SPAG16: variants seen among roughly 807,000 people sequenced by gnomAD.
SPAG16 encodes sperm-associated antigen 16 protein.
In SPAG16, 86 loss-of-function variants were observed where a neutral mutation model predicts 80.4. The observed-to-expected ratio is 1.07, with a 90% CI of 0.90 to 1.28. The LOEUF (loss-of-function observed/expected upper bound fraction) is 1.28, where lower values mean the gene tolerates loss of function less well. Ranked by LOEUF, SPAG16 falls within the 50% of genes most tolerant of loss-of-function variation. SPAG16 has a pLI of 0.00. For missense variants in SPAG16, 870 were observed against 765.3 expected (o/e 1.14, Z -1.61); for synonymous variants, 294 against 265.9 (o/e 1.11, Z -1.03).
intron 10 of SPAG16, among the ~76,000 whole-genome samples, chr2:213,845,353 A>G (rs1455488524): frequency 2.6e-5 from 4 of 151,538 alleles, no homozygotes; most frequent in Non-Finnish European, 4.4e-5. Flanking sequence ...ATCCGCTACC[A>G]CGCCCAGCTA....
At chr2:214,133,440 C>T (rs1480369825) in intron 14 of SPAG16, among the ~76,000 whole-genome samples, 1 of 152,068 alleles carries the variant, frequency 6.6e-6, no homozygotes, top group Non-Finnish European at 1.5e-5. Context: ...AGGCAGATCA[C>T]TTAAGGTCAG....
At chr2:213,852,855 C>G (rs10498015) in intron 10 of SPAG16, among the ~76,000 whole-genome samples, 1 of 151,976 alleles carries the variant, frequency 6.6e-6, no homozygotes, top group Non-Finnish European at 1.5e-5. Context: ...AGGCTATAAA[C>G]ACATATTTGC....
chr2:214,115,594 C>G (rs1416397684), intron 14 of SPAG16, among the ~76,000 whole-genome samples: 4 of 152,094 alleles, frequency 2.6e-5, no homozygotes, highest in Non-Finnish European at 5.9e-5. Context: ...AAAAGTAACC[C>G]TCAACTGGGC....
chr2:213,599,751 G>C (rs1405650443), intron 10 of SPAG16, among the ~76,000 whole-genome samples: 1 of 152,144 alleles, frequency 6.6e-6, no homozygotes, highest in African/African-American at 2.4e-5. Context: ...ACCCATACTA[G>C]AGTGCAGTGG....
chr2:214,256,422 G>A (rs905381867), intron 15 of SPAG16, among the ~76,000 whole-genome samples: 8 of 151,422 alleles, frequency 5.3e-5, no homozygotes, highest in Non-Finnish European at 1.0e-4. Flanking sequence ...TTTCTTTTAC[G>A]GTTAGTGCCT....
chr2:213,798,817 C>T (rs2071203591), intron 10 of SPAG16, among the ~76,000 whole-genome samples: 1 of 152,108 alleles, frequency 6.6e-6, no homozygotes, highest in Non-Finnish European at 1.5e-5. Context: ...GTCTCAGCAC[C>T]ATTTCTTAAA....
intron 9 of SPAG16, among the ~76,000 whole-genome samples, chr2:213,377,031 C>T (rs977728083): frequency 6.6e-6 from 1 of 152,118 alleles, no homozygotes; most frequent in African/African-American, 2.4e-5. Context: ...CCTAGATTAT[C>T]TCCTTGAGTA....
At chr2:213,548,106 C>T (rs1297974464) in intron 10 of SPAG16, among the ~76,000 whole-genome samples, 1 of 152,160 alleles carries the variant, frequency 6.6e-6, no homozygotes, top group Non-Finnish European at 1.5e-5. Flanking sequence ...GGGTCAAGTT[C>T]TTGTAATTTT....
chr2:214,069,512 A>T (rs2050687034), intron 13 of SPAG16, among the ~76,000 whole-genome samples: 1 of 152,158 alleles, frequency 6.6e-6, no homozygotes, highest in Non-Finnish European at 1.5e-5. Flanking sequence ...TCCAAGGATG[A>T]GTCAGAGAGT....
At chr2:214,139,158 T>A (rs970899446) in intron 14 of SPAG16, among the ~76,000 whole-genome samples, 1 of 152,148 alleles carries the variant, frequency 6.6e-6, no homozygotes, top group Non-Finnish European at 1.5e-5. Context: ...CTTGTATTTC[T>A]TTTTGTTATA....
intron 10 of SPAG16, among the ~76,000 whole-genome samples, chr2:213,736,537 C>T (rs1416615038): frequency 6.6e-6 from 1 of 152,034 alleles, no homozygotes; most frequent in African/African-American, 2.4e-5. Context: ...ATCCACCTGC[C>T]TCGGCCTCCC....
At chr2:213,708,732 G>A (rs2065859569) in intron 10 of SPAG16, among the ~76,000 whole-genome samples, 1 of 152,148 alleles carries the variant, frequency 6.6e-6, no homozygotes, top group African/African-American at 2.4e-5. Flanking sequence ...GCTGCAGTGA[G>A]CCGAGACCAT....
intron 10 of SPAG16, among the ~76,000 whole-genome samples, chr2:213,623,205 TTAC>T (rs775587091): frequency 3.7e-4 from 56 of 152,338 alleles, no homozygotes; most frequent in Middle Eastern, 3.4e-3. Flanking sequence ...AAATCACTTT[TTAC>T]TGCTGCTGGT....
At chr2:213,290,244 C>T (rs1281123946) in intron 1 of SPAG16, among the ~76,000 whole-genome samples, 1 of 152,198 alleles carries the variant, frequency 6.6e-6, no homozygotes, top group Non-Finnish European at 1.5e-5. Flanking sequence ...ATGAAACTCA[C>T]GAGTGCTACT....
At chr2:213,561,454 T>A (rs1370308799) in intron 10 of SPAG16, among the ~76,000 whole-genome samples, 1 of 152,160 alleles carries the variant, frequency 6.6e-6, no homozygotes, top group African/African-American at 2.4e-5. Flanking sequence ...AAATAGTAAA[T>A]GCTTGAGTGG....
intron 13 of SPAG16, among the ~76,000 whole-genome samples, chr2:214,033,697 T>A (rs1222600575): frequency 6.6e-6 from 1 of 152,184 alleles, no homozygotes; most frequent in Non-Finnish European, 1.5e-5. Context: ...TTTTTTTATA[T>A]TTTTCTCTCT....
intron 10 of SPAG16, among the ~76,000 whole-genome samples, chr2:213,614,045 C>A (rs558541323): frequency 1.3e-5 from 2 of 152,322 alleles, no homozygotes; most frequent in South Asian, 4.1e-4. Flanking sequence ...TCCCATCCTC[C>A]TGTTGTGTTG....
intron 14 of SPAG16, among the ~76,000 whole-genome samples, chr2:214,126,305 CTCAT>C (rs1485729772): frequency 6.6e-6 from 1 of 150,738 alleles, no homozygotes. Flanking sequence ...GTTTCTATGA[CTCAT>C]TCATGGGAGA....
intron 10 of SPAG16, among the ~76,000 whole-genome samples, chr2:213,616,531 G>T (rs189622058): frequency 5.9e-5 from 9 of 152,148 alleles, no homozygotes; most frequent in African/African-American, 1.9e-4. Flanking sequence ...ATCATAGAAG[G>T]GGGGTGTCAG....
Sources: allele counts gnomAD v4.1 joint callset (sites outside exome capture counted in the v4.1 genomes callset), GRCh38; gene constraint gnomAD v4.1.1; transcripts MANE v1.5; gene names NCBI Gene and HGNC (gene_info 2026-07-23, HGNC 2026-07-21).